FGD4: variants seen among roughly 807,000 people sequenced by gnomAD.
FGD4 encodes FYVE, RhoGEF and PH domain containing 4, also known as FYVE, RhoGEF and PH domain-containing protein 4.
In FGD4, 42 loss-of-function variants were observed where a neutral mutation model predicts 102.0. The ratio of observed to expected loss-of-function variants is 0.41; its 90% confidence interval spans 0.32 to 0.53. The LOEUF (loss-of-function observed/expected upper bound fraction) is 0.53, where lower values mean the gene tolerates loss of function less well. Among genes scored for constraint, FGD4 ranks in the 20% least tolerant of loss-of-function variants. The pLI is 0.21. For synonymous variants in FGD4, 380 were observed against 375.7 expected (o/e 1.01, Z -0.13); for missense variants, 902 against 1,078.2 (o/e 0.84, Z 2.29).
intron 1 of FGD4, among the ~76,000 whole-genome samples, chr12:32,429,470 C>T (rs920651052): frequency 1.3e-5 from 2 of 152,234 alleles, no homozygotes; most frequent in African/African-American, 4.8e-5. Context: ...TTGACCCCTG[C>T]TGGGAGGTAT....
rs571860137 is a variant in FGD4 at position 32,578,851 on chromosome 12, G to A, written c.503+2402G>A. On this transcript the variant is annotated intron_variant, in intron 3 of 16. Coordinates refer to ENST00000534526, the MANE Select transcript of FGD4 (RefSeq NM_001370298.3). ...GCCTTAAAAAAAAAAAAACATCGTAGCACTAGTTTGTTAAGATGACAGATT... is the reference window on the plus strand; with the variant it reads ...GCCTTAAAAAAAAAAAAACATCGTAACACTAGTTTGTTAAGATGACAGATT... Among the ~76,000 whole-genome samples the A allele has an allele frequency of 2.7e-4, 41 of 151,392 alleles. 1 individual carries two copies. The highest frequency in any genetic ancestry group is 5.7e-4 in the Non-Finnish European group (39 of 67,876).
At chr12:32,474,398 G>T (rs143193459) in intron 1 of FGD4, among the ~76,000 whole-genome samples, 18 of 152,242 alleles carry the variant, frequency 1.2e-4, no homozygotes, top group African/African-American at 3.1e-4. Context: ...CTGTATACTG[G>T]CATTCTTTTG....
intron 1 of FGD4, among the ~76,000 whole-genome samples, chr12:32,541,872 A>G (rs151254897): frequency 3.5e-4 from 54 of 152,328 alleles, no homozygotes; most frequent in Admixed American, 3.4e-3. Context: ...TAAGGAAGTT[A>G]AGTAACTTTC....
intron 1 of FGD4, among the ~76,000 whole-genome samples, chr12:32,415,387 G>A (rs1206038151): frequency 1.4e-5 from 2 of 147,342 alleles, no homozygotes; most frequent in Admixed American, 1.4e-4. Context: ...GATGTCTCCA[G>A]CTATTACTGT....
Position 32,643,626 on chromosome 12 carries a change from T to G in FGD4, c.*3093T>G, listed in dbSNP as rs942253124. The stretch of plus-strand genomic sequence containing the variant: ...TAAACTTTTTACAGAAACTAACCTT[T>G]TAAATGTACCCTTTCCCCATATATA... On this transcript the variant is annotated 3_prime_UTR_variant, in exon 17 of 17. Transcript: ENST00000534526. 6.6e-6 allele frequency: 1 copy of G among 151,920 alleles called. No homozygotes were observed. Among genetic ancestry groups the G allele is most frequent in the Non-Finnish European group, 1.5e-5 (1 of 67,906 alleles). The allele number at this position is 151,920 out of a possible 1,614,324, so 9.4% of individuals were successfully genotyped here. A position where few individuals can be genotyped will look rare whatever the true frequency, so the allele number is the denominator to read the frequency against.
intron 1 of FGD4, among the ~76,000 whole-genome samples, chr12:32,536,331 A>C (rs545758535): frequency 6.6e-6 from 1 of 152,362 alleles, no homozygotes; most frequent in South Asian, 2.1e-4. Context: ...ATACTAGAAT[A>C]GACTTGAGGA....
At chr12:32,481,181 G>A (rs1036469698) in intron 1 of FGD4, among the ~76,000 whole-genome samples, 1 of 132,454 alleles carries the variant, frequency 7.5e-6, no homozygotes, top group African/African-American at 2.8e-5. Context: ...GCTCATGCCT[G>A]TAATCCCAGT....
intron 1 of FGD4, among the ~76,000 whole-genome samples, chr12:32,546,114 A>C (rs551845929): frequency 3.5e-4 from 53 of 152,336 alleles, no homozygotes; most frequent in Non-Finnish European, 6.2e-4. Context: ...TGTTGTACTT[A>C]TGTGTGGCCA....
At chr12:32,490,036 G>T (rs893926725) in intron 1 of FGD4, among the ~76,000 whole-genome samples, 11 of 152,084 alleles carry the variant, frequency 7.2e-5, no homozygotes, top group African/African-American at 2.7e-4. Flanking sequence ...CTACCTGAAG[G>T]TCATAAAGAT....
intron 1 of FGD4, among the ~76,000 whole-genome samples, chr12:32,465,366 C>T (rs564750984): frequency 3.2e-4 from 49 of 152,072 alleles, no homozygotes; most frequent in Middle Eastern, 3.4e-3. Flanking sequence ...ATCAGTCAGC[C>T]GCCATTAACA....
Position 32,565,235 on chromosome 12 carries a change from C to T in FGD4, c.319+946C>T, listed in dbSNP as rs542950189. 5.5e-4 allele frequency among the ~76,000 whole-genome samples: 84 copies of T among 152,184 alleles called. No homozygotes were observed. The Middle Eastern group carries it at 0.01, about 18-fold the overall frequency. ...GGATTTCTGAAAGAAAATTTTAGAA[C>T]GAGTTTAAAATGAATCTTCTAGATT... is the stretch of plus-strand genomic sequence containing the variant. On this transcript the variant is annotated intron_variant, in intron 2 of 16. Transcript: ENST00000534526.
rs192862895 is a variant in FGD4 at position 32,523,835 on chromosome 12, G to A, written c.167-40302G>A. On this transcript the variant is annotated intron_variant, in intron 1 of 16. Coordinates refer to ENST00000534526, the MANE Select transcript of FGD4 (RefSeq NM_001370298.3). Reference sequence around the variant, plus strand: ...TAAAAATACAAAAACAAAATTAGCCGGGCGTTGTGGCAGGCACCTGTAGTC... The same window carrying A: ...TAAAAATACAAAAACAAAATTAGCCAGGCGTTGTGGCAGGCACCTGTAGTC... Among the ~76,000 whole-genome samples, 101 of 151,862 alleles carry A rather than the reference G, an allele frequency of 6.7e-4. 1 individual carries two copies. Among genetic ancestry groups the A allele is most frequent in the African/African-American group, 2.2e-3 (91 of 41,426 alleles).
chr12:32,591,955 C>T (rs774772437), intron 4 of FGD4, among the ~76,000 whole-genome samples: 4 of 152,128 alleles, frequency 2.6e-5, no homozygotes, highest in African/African-American at 9.7e-5. Context: ...AGGAGTGTAA[C>T]TTTTGGTGCT....
intron 4 of FGD4, among the ~76,000 whole-genome samples, chr12:32,597,778 G>A (rs897700023): frequency 2.6e-5 from 4 of 152,182 alleles, no homozygotes; most frequent in Admixed American, 1.3e-4. Context: ...GAGGGGGAGC[G>A]TAAATGAAAC....
At chr12:32,436,297 TC>T (rs1942225824) in intron 1 of FGD4, among the ~76,000 whole-genome samples, 1 of 152,210 alleles carries the variant, frequency 6.6e-6, no homozygotes, top group South Asian at 2.1e-4. Flanking sequence ...AGGACCAGCC[TC>T]CCCTGTTCCA....
chr12:32,583,883 T>C (rs932824525), intron 4 of FGD4, among the ~76,000 whole-genome samples: 3 of 152,222 alleles, frequency 2.0e-5, no homozygotes, highest in Non-Finnish European at 4.4e-5. Flanking sequence ...GAGAAGGTTA[T>C]AGAACCAAGA....
At chr12:32,473,246 C>T (rs1418691155) in intron 1 of FGD4, among the ~76,000 whole-genome samples, 2 of 152,012 alleles carry the variant, frequency 1.3e-5, no homozygotes, top group Non-Finnish European at 2.9e-5. Flanking sequence ...CATTGGCAAC[C>T]TGCTCGTGTC....
chr12:32,474,125 A>G (rs756817313), intron 1 of FGD4, among the ~76,000 whole-genome samples: 14 of 152,078 alleles, frequency 9.2e-5, no homozygotes, highest in Non-Finnish European at 1.9e-4. Context: ...GCTGTGGAGA[A>G]ATCAGAGCCC....
At chr12:32,529,996 C>T (rs917374753) in intron 1 of FGD4, among the ~76,000 whole-genome samples, 11 of 151,794 alleles carry the variant, frequency 7.2e-5, no homozygotes, top group African/African-American at 2.4e-4. Flanking sequence ...TATTTTTAAA[C>T]ATTGTAGATT....
Sources: allele counts gnomAD v4.1 joint callset (sites outside exome capture counted in the v4.1 genomes callset), GRCh38; gene constraint gnomAD v4.1.1; transcripts MANE v1.5; gene names NCBI Gene and HGNC (gene_info 2026-07-23, HGNC 2026-07-21).